Variants in KIAA1217 observed in about 807,000 individuals in gnomAD.
KIAA1217 encodes the protein KIAA1217.
In KIAA1217, 88 loss-of-function variants were observed where a neutral mutation model predicts 163.9. That is an observed-to-expected ratio of 0.54 (90% CI 0.45 to 0.64). The LOEUF is 0.64. KIAA1217 is among the 30% of genes least tolerant of loss of function. The probability of loss-of-function intolerance (pLI) is 0.00; values close to 1 mark genes in which losing one functional copy is unlikely to be tolerated. For synonymous variants in KIAA1217, 903 were observed against 923.1 expected (o/e 0.98, Z 0.39); for missense variants, 2,372 against 2,475.0 (o/e 0.96, Z 0.88).
chr10:24,184,133 G>A (rs2131958681), intron 2 of KIAA1217, among the ~76,000 whole-genome samples: 1 of 152,342 alleles, frequency 6.6e-6, no homozygotes, highest in Non-Finnish European at 1.5e-5. Flanking sequence ...CAGAGCCAGT[G>A]AGTGAAGACT....
chr10:23,736,270 G>C (rs1157468748), intron 1 of KIAA1217, among the ~76,000 whole-genome samples: 3 of 152,148 alleles, frequency 2.0e-5, no homozygotes, highest in Admixed American at 6.5e-5. Flanking sequence ...CCTTTGTTGT[G>C]ATATGTGCAG....
intron 6 of KIAA1217, among the ~76,000 whole-genome samples, chr10:24,484,621 G>A (rs11597958): frequency 0.2 from 29,994 of 151,784 alleles, 3,208 homozygotes; most frequent in South Asian, 0.37. Context: ...ACGCAGTGGT[G>A]CAATCATAGC....
intron 12 of KIAA1217, among the ~76,000 whole-genome samples, chr10:24,523,126 T>C (rs533002527): frequency 6.0e-4 from 91 of 152,292 alleles, no homozygotes; most frequent in South Asian, 2.7e-3. Flanking sequence ...CACTCCAGCC[T>C]GGGTGACAGA....
chr10:23,769,808 G>A (rs1055185338), intron 1 of KIAA1217, among the ~76,000 whole-genome samples: 1 of 152,146 alleles, frequency 6.6e-6, no homozygotes, highest in Non-Finnish European at 1.5e-5. Context: ...TTTTATCAAA[G>A]GAGTAGGATT....
chr10:24,421,012 T>A (rs964212058), intron 3 of KIAA1217, among the ~76,000 whole-genome samples: 31 of 152,042 alleles, frequency 2.0e-4, no homozygotes, highest in African/African-American at 7.3e-4. Context: ...TTTGTTTGTT[T>A]GTTTTGTTTT....
At chr10:24,404,012 A>C (rs2056878841) in intron 3 of KIAA1217, among the ~76,000 whole-genome samples, 1 of 152,122 alleles carries the variant, frequency 6.6e-6, no homozygotes, top group Admixed American at 6.5e-5. Context: ...GTTGGAGTAC[A>C]GCGGCGTAAT....
At chr10:24,072,160 G>T (rs938921059) in intron 2 of KIAA1217, among the ~76,000 whole-genome samples, 2 of 152,046 alleles carry the variant, frequency 1.3e-5, no homozygotes, top group Admixed American at 6.6e-5. Context: ...CAAGGAGTTA[G>T]GACTAAAGGC....
Position 23,800,383 on chromosome 10 carries a change from T to C in KIAA1217, c.-321+105149T>C, listed in dbSNP as rs556947453. Among the ~76,000 whole-genome samples the C allele has an allele frequency of 1.2e-4, 19 of 152,108 alleles. No individual in the cohort carries two copies. In the Middle Eastern group the frequency reaches 0.014, roughly 109 times the overall value. ...GAAACTAGAGGTGGGTTTAACACCA[T>C]GAAATGTATACCCTGTGGACCTGTG... On this transcript the variant is annotated intron_variant, in intron 1 of 18. Coordinates refer to the KIAA1217 transcript ENST00000376462.
chr10:24,494,848 A>G, intron 7 of KIAA1217: 1 of 575,994 alleles, frequency 1.7e-6, no homozygotes, highest in Non-Finnish European at 3.0e-6. Context: ...TGGGCTTCCC[A>G]GTGCATGTGG....
intron 17 of KIAA1217, chr10:24,542,439 C>T: frequency 8.7e-7 from 1 of 1,145,000 alleles, no homozygotes; most frequent in Non-Finnish European, 1.2e-6. Flanking sequence ...TTCTTCACCA[C>T]TCCCCTACAA....
At chr10:24,131,007 G>A (rs1337540509) in intron 2 of KIAA1217, among the ~76,000 whole-genome samples, 1 of 152,082 alleles carries the variant, frequency 6.6e-6, no homozygotes, top group Admixed American at 6.6e-5. Flanking sequence ...CCTCCAGGGG[G>A]AATAAAAATA....
chr10:23,786,474 AT>A (rs1468449166), intron 1 of KIAA1217, among the ~76,000 whole-genome samples: 3 of 151,276 alleles, frequency 2.0e-5, no homozygotes, highest in South Asian at 4.2e-4. Context: ...TTTTCCGGCT[AT>A]TGTGGTAACC....
chr10:23,903,564 G>A (rs79750413), intron 1 of KIAA1217, among the ~76,000 whole-genome samples: 2,301 of 152,174 alleles, frequency 0.015, 60 homozygotes, highest in African/African-American at 0.052. Flanking sequence ...CATAAACTGA[G>A]GGAGCTTAGC....
chr10:24,225,094 G>A (rs1391864578), intron 2 of KIAA1217, among the ~76,000 whole-genome samples: 2 of 151,986 alleles, frequency 1.3e-5, no homozygotes, highest in Admixed American at 1.3e-4. Context: ...CAAAGTGCTG[G>A]GATTACAGGC....
chr10:23,826,351 T>C (rs1470626867), intron 1 of KIAA1217, among the ~76,000 whole-genome samples: 1 of 152,200 alleles, frequency 6.6e-6, no homozygotes, highest in African/African-American at 2.4e-5. Flanking sequence ...TGATACTTTA[T>C]TGTAGTTCAA....
intron 1 of KIAA1217, among the ~76,000 whole-genome samples, chr10:23,975,709 G>C (rs145324106): frequency 6.6e-6 from 1 of 152,082 alleles, no homozygotes; most frequent in Non-Finnish European, 1.5e-5. Flanking sequence ...AGAGCCTCAC[G>C]GGTGCCTACT....
chr10:24,488,402 T>C (rs545159135), intron 6 of KIAA1217, among the ~76,000 whole-genome samples: 2 of 152,206 alleles, frequency 1.3e-5, no homozygotes, highest in South Asian at 2.1e-4. Context: ...CGAAACAAAA[T>C]ATTGAAGTGC....
At chr10:23,733,624 T>G (rs1838611172) in intron 1 of KIAA1217, among the ~76,000 whole-genome samples, 1 of 152,116 alleles carries the variant, frequency 6.6e-6, no homozygotes, top group Non-Finnish European at 1.5e-5. Flanking sequence ...GTTGTTATGT[T>G]TTTTTTTCTG....
At chr10:23,884,716 A>G (rs1243019792) in intron 1 of KIAA1217, among the ~76,000 whole-genome samples, 1 of 151,950 alleles carries the variant, frequency 6.6e-6, no homozygotes, top group African/African-American at 2.4e-5. Context: ...TTGCCTCTCT[A>G]ATTATCCTAC....
Sources: gnomAD v4.1 joint callset for allele counts (sites outside exome capture counted in the v4.1 genomes callset) on GRCh38, gnomAD v4.1.1 for gene constraint, MANE v1.5 for transcripts, NCBI Gene and HGNC (gene_info 2026-07-23, HGNC 2026-07-21) for gene names.